KCNC2: variants seen among roughly 807,000 people sequenced by gnomAD.
KCNC2 encodes the protein potassium voltage-gated channel subfamily C member 2, also known as voltage-gated potassium channel KCNC2.
In KCNC2, 21 loss-of-function variants were observed where a neutral mutation model predicts 44.5. The ratio of observed to expected loss-of-function variants is 0.47; its 90% CI spans 0.33 to 0.68. The LOEUF (loss-of-function observed/expected upper bound fraction) is 0.68, where lower values mean the gene tolerates loss of function less well. Ranked by LOEUF, KCNC2 falls within the 30% of genes least tolerant of loss-of-function variation. The pLI is 0.01. For missense variants in KCNC2, 589 were observed against 826.2 expected, an observed-to-expected ratio of 0.71 and a Z score of 3.52; for synonymous variants, 391 against 339.1, an observed-to-expected ratio of 1.15 and a Z score of -1.68.
intron 2 of KCNC2, among the ~76,000 whole-genome samples, chr12:75,129,928 G>C (rs1275007761): frequency 6.6e-6 from 1 of 152,166 alleles, no homozygotes; most frequent in African/African-American, 2.4e-5. Context: ...CTCATGAATA[G>C]TTTCCTAAAG....
intron 2 of KCNC2, among the ~76,000 whole-genome samples, chr12:75,196,839 T>G (rs1295790699): frequency 6.6e-6 from 1 of 152,122 alleles, no homozygotes; most frequent in Non-Finnish European, 1.5e-5. Flanking sequence ...TTTTTCCAAA[T>G]TCTTCCATCC....
intron 2 of KCNC2, among the ~76,000 whole-genome samples, chr12:75,156,976 T>G (rs1328202793): frequency 6.6e-6 from 1 of 151,776 alleles, no homozygotes; most frequent in African/African-American, 2.4e-5. Context: ...CCAACTTACT[T>G]CAAGAAATAT....
At position 75,042,717 on chromosome 12, in the gene KCNC2, C is replaced by G. The variant is rs1430865901; in HGVS notation, c.*388G>C. 2 of 1,165,756 alleles carry G rather than the reference C, an allele frequency of 1.7e-6. No homozygotes were observed. Among genetic ancestry groups the G allele is most frequent in the African/African-American group, 3.2e-5 (2 of 62,608 alleles). 72.2% of individuals were successfully genotyped at this position (1,165,756 alleles called of 1,614,324 possible). A position where few individuals can be genotyped will look rare whatever the true frequency, so the allele number is the denominator to read the frequency against. On this transcript the variant is annotated 3_prime_UTR_variant, in exon 5 of 5. Coordinates refer to ENST00000549446, the MANE Select transcript of KCNC2 (RefSeq NM_139137.4). The stretch of plus-strand genomic sequence containing the variant: ...GCAATCAAGATAGGATCCCAGACAT[C>G]TTCAGAATGGTTTACAGTCACAAGA...
chr12:75,182,527 A>C (rs1565671798), intron 2 of KCNC2, among the ~76,000 whole-genome samples: 1 of 139,828 alleles, frequency 7.2e-6, no homozygotes, highest in Non-Finnish European at 1.6e-5. Context: ...TCTCAAAAAA[A>C]AAAAAAAAAA....
chr12:75,149,308 C>A (rs551116323), intron 2 of KCNC2, among the ~76,000 whole-genome samples: 1 of 151,818 alleles, frequency 6.6e-6, no homozygotes, highest in Non-Finnish European at 1.5e-5. Flanking sequence ...GTTAGTGAAT[C>A]CTGTGTCCAC....
chr12:75,043,681 T>A, intron 4 of KCNC2: 1 of 1,360,676 alleles, frequency 7.3e-7, no homozygotes, highest in Admixed American at 3.0e-5. Flanking sequence ...AAAGCATACT[T>A]AAGTTTAAAT....
At chr12:75,115,344 A>G (rs918468493) in intron 2 of KCNC2, among the ~76,000 whole-genome samples, 1 of 152,224 alleles carries the variant, frequency 6.6e-6, no homozygotes, top group African/African-American at 2.4e-5. Flanking sequence ...TCTATGAGGT[A>G]GGCATGGTTA....
intron 2 of KCNC2, among the ~76,000 whole-genome samples, chr12:75,058,416 T>C (rs1316822599): frequency 1.8e-4 from 28 of 152,066 alleles, no homozygotes; most frequent in Non-Finnish European, 2.9e-5. Flanking sequence ...CATCTAGTGT[T>C]ATAGAGTCAC....
At chr12:75,070,076 G>C (rs1043927412) in intron 2 of KCNC2, among the ~76,000 whole-genome samples, 2 of 152,186 alleles carry the variant, frequency 1.3e-5, no homozygotes, top group Non-Finnish European at 1.5e-5. Flanking sequence ...AGCTATTTGA[G>C]CTAACTTAAG....
At chr12:75,157,503 T>C (rs1373185667) in intron 2 of KCNC2, among the ~76,000 whole-genome samples, 1 of 151,900 alleles carries the variant, frequency 6.6e-6, no homozygotes, top group African/African-American at 2.4e-5. Flanking sequence ...CTAATAGATT[T>C]ATCCTCAAGA....
chr12:75,096,895 T>C (rs1399054877), intron 2 of KCNC2, among the ~76,000 whole-genome samples: 2 of 152,062 alleles, frequency 1.3e-5, no homozygotes, highest in Admixed American at 1.3e-4. Context: ...TAGTTTAATT[T>C]ATAGAAACAC....
chr12:75,109,756 G>T (rs1887077698), intron 2 of KCNC2, among the ~76,000 whole-genome samples: 1 of 152,048 alleles, frequency 6.6e-6, no homozygotes, highest in Non-Finnish European at 1.5e-5. Context: ...CCAGAAAACT[G>T]TGGATAAAGT....
chr12:75,130,581 A>G (rs1888766609), intron 2 of KCNC2, among the ~76,000 whole-genome samples: 1 of 152,178 alleles, frequency 6.6e-6, no homozygotes, highest in Non-Finnish European at 1.5e-5. Flanking sequence ...AGAAATTATT[A>G]TAACATAGAA....
At chr12:75,080,296 CA>C (rs1413467867) in intron 2 of KCNC2, among the ~76,000 whole-genome samples, 497 of 3,170 alleles carry the variant, frequency 0.16, no homozygotes, top group Non-Finnish European at 0.23. Context: ...ATTTTTACAT[CA>C]AGTTTGAGGA....
intron 2 of KCNC2, among the ~76,000 whole-genome samples, chr12:75,105,673 T>C (rs1044047687): frequency 5.3e-5 from 8 of 152,144 alleles, no homozygotes; most frequent in African/African-American, 1.9e-4. Context: ...AGGGAAAGCA[T>C]TAAACTTGAC....
At chr12:75,184,046 CTGTTTCTTCAAGAA>C (rs1297492237) in intron 2 of KCNC2, among the ~76,000 whole-genome samples, 1 of 152,194 alleles carries the variant, frequency 6.6e-6, no homozygotes, top group Non-Finnish European at 1.5e-5. Context: ...CTATTCCCTA[CTGTTTCTTCAAGAA>C]TCTCTATAAA....
At chr12:75,197,698 T>C (rs990035812) in intron 2 of KCNC2, among the ~76,000 whole-genome samples, 51 of 152,028 alleles carry the variant, frequency 3.4e-4, no homozygotes, top group African/African-American at 1.2e-3. Context: ...GATGCTTTTT[T>C]TCTTTCCCAG....
intron 2 of KCNC2, among the ~76,000 whole-genome samples, chr12:75,117,852 G>A (rs1006315033): frequency 6.6e-6 from 1 of 152,122 alleles, no homozygotes; most frequent in Non-Finnish European, 1.5e-5. Flanking sequence ...AAGAATGCAT[G>A]CCATAATTTA....
intron 2 of KCNC2, among the ~76,000 whole-genome samples, chr12:75,074,607 A>C (rs1172575935): frequency 6.6e-6 from 1 of 152,132 alleles, no homozygotes; most frequent in Non-Finnish European, 1.5e-5. Context: ...CCCGCATGTA[A>C]TTCAGTGGTT....
Sources: gnomAD v4.1 joint callset for allele counts (sites outside exome capture counted in the v4.1 genomes callset) on GRCh38, gnomAD v4.1.1 for gene constraint, MANE v1.5 for transcripts, NCBI Gene and HGNC (gene_info 2026-07-23, HGNC 2026-07-21) for gene names.